Variants in RIF1 observed in about 807,000 individuals in gnomAD.
RIF1 encodes the protein telomere-associated protein RIF1.
Under a neutral mutation model 247.1 loss-of-function variants are expected in RIF1, and 45 were observed. The observed-to-expected ratio is 0.18, with a 90% CI of 0.14 to 0.23. RIF1 has a LOEUF of 0.23. RIF1 is among the 10% of genes least tolerant of loss of function. RIF1 has a pLI of 1.00. For synonymous variants in RIF1, 1,087 were observed against 978.8 expected (o/e 1.11, Z -2.06); for missense variants, 2,967 against 2,862.5 (o/e 1.04, Z -0.83).
At position 151,463,332 on chromosome 2, in the gene RIF1, C is replaced by G. The variant is rs376788226; in HGVS notation, c.3812C>G (p.Thr1271Ser). Reference protein sequence around the residue: ...FLPKAKQREGTFSKSDSEKIV... With the variant: ...FLPKAKQREGSFSKSDSEKIV... Reference sequence around the variant, plus strand: ...CCAAAAGCAAAGCAAAGAGAAGGGACTTTTTCAAAATCTGATTCTGAAAAA... The same window carrying G: ...CCAAAAGCAAAGCAAAGAGAAGGGAGTTTTTCAAAATCTGATTCTGAAAAA... Residue 1271 changes from threonine (T) to serine (S), a missense_variant, in exon 30 of 36, where the codon ACT (threonine) becomes AGT (serine). Thr to Ser is a moderately conservative substitution (Grantham distance 58, BLOSUM62 1). Transcript: ENST00000444746. 13 of 1,613,576 alleles carry G rather than the reference C, an allele frequency of 8.1e-6. No homozygotes were observed. The highest frequency in any genetic ancestry group is 2.2e-5 in the East Asian group (1 of 44,876).
At chr2:151,438,390 A>C (rs532096631) in intron 13 of RIF1, among the ~76,000 whole-genome samples, 2 of 152,260 alleles carry the variant, frequency 1.3e-5, no homozygotes, top group East Asian at 3.9e-4. Flanking sequence ...ATGTGGGAAG[A>C]CTGCTTGAGC....
chr2:151,429,733 A>G (rs1005649285), intron 9 of RIF1, among the ~76,000 whole-genome samples: 2 of 152,320 alleles, frequency 1.3e-5, no homozygotes, highest in African/African-American at 2.4e-5. Context: ...TAATATTGAT[A>G]TATGGAAGTC....
At position 151,435,571 on chromosome 2, in the gene RIF1, G is replaced by C; in HGVS notation, c.1186G>C (p.Val396Leu). 6.4e-7 allele frequency: 1 copy of C among 1,552,992 alleles called. No homozygotes were observed. The highest frequency in any genetic ancestry group is 8.9e-7 in the Non-Finnish European group (1 of 1,124,738). ...TCCAGGTTTAAATCCTATGACTCCT[G>C]TACACAAAGGTAAGAGGTAGATATT... ...TSPGLNPMTP[V>L]HKGASSPYGA... The change falls in exon 11 of 36, where the codon GTA becomes CTA. Residue 396 changes from valine to leucine, a missense_variant. Around this residue, in one of 7 missense-constraint regions of RIF1, gnomAD observed 369 missense variants for 322.0 expected, o/e 1.15. Coordinates refer to ENST00000444746, the MANE Select transcript of RIF1 (RefSeq NM_018151.5).
intron 17 of RIF1, 23 bp downstream of exon 17, chr2:151,443,352 A>T: frequency 6.7e-7 from 1 of 1,493,124 alleles, no homozygotes; most frequent in Non-Finnish European, 9.3e-7. Flanking sequence ...TTTAACTTGA[A>T]ACTTTGTCTT....
chr2:151,509,596 A>C (rs1309899254), downstream of RIF1, among the ~76,000 whole-genome samples: 4 of 151,904 alleles, frequency 2.6e-5, no homozygotes, highest in African/African-American at 9.7e-5. Context: ...ATGCAGATGA[A>C]CTGGGGAGGA....
chr2:151,506,197 C>G (rs1233779539), intron 12 of RIF1: 3 of 1,613,662 alleles, frequency 1.9e-6, no homozygotes, highest in Non-Finnish European at 2.5e-6. Context: ...TTGTTTCACT[C>G]TCATCATCTC....
At chr2:151,420,008 A>G (rs1369391595) in intron 6 of RIF1, among the ~76,000 whole-genome samples, 182 bp from the exon 7 acceptor site, 1 of 152,202 alleles carries the variant, frequency 6.6e-6, no homozygotes, top group East Asian at 1.9e-4. Context: ...AAAAAAATTT[A>G]CAAAAGCAAT....
chr2:151,512,351 A>G (rs185277887), downstream of RIF1, among the ~76,000 whole-genome samples: 350 of 149,284 alleles, frequency 2.3e-3, 9 homozygotes, highest in East Asian at 0.047. Flanking sequence ...TTTTTTTTTA[A>G]GAGTCTCACC....
chr2:151,510,375 G>A (rs375168249), downstream of RIF1, among the ~76,000 whole-genome samples: 16 of 152,338 alleles, frequency 1.1e-4, no homozygotes, highest in East Asian at 1.2e-3. Flanking sequence ...TTACATCCCA[G>A]CCTTTGTACA....
downstream of RIF1, among the ~76,000 whole-genome samples, chr2:151,484,027 A>G (rs1013433445): frequency 2.0e-5 from 3 of 152,244 alleles, no homozygotes; most frequent in African/African-American, 7.2e-5. Flanking sequence ...ATGTATGTAA[A>G]TATGTTATAC....
chr2:151,464,553 A>G lies in RIF1; in HGVS notation c.5033A>G (p.Asn1678Ser), dbSNP rs374121051. 2.5e-6 allele frequency: 4 copies of G among 1,612,326 alleles called. No individual in the cohort carries two copies. The highest frequency in any genetic ancestry group is 1.3e-5 in the African/African-American group (1 of 74,934). The change falls in exon 30 of 36, where the codon AAT becomes AGT. Residue 1678 changes from asparagine (N) to serine (S), a missense_variant. By Grantham distance (46) the Asn-to-Ser change is conservative (BLOSUM62 1). Coordinates refer to ENST00000444746, the MANE Select transcript of RIF1 (RefSeq NM_018151.5). Reference protein sequence around the residue: ...PVPESNLRTRNAIKRLHKRDS... With the variant: ...PVPESNLRTRSAIKRLHKRDS... ...CCAGAATCAAATCTAAGGACTAGAA[A>G]TGCCATTAAGAGATTACATAAGCGA...
At chr2:151,431,910 G>A (rs1690223118) in intron 9 of RIF1, among the ~76,000 whole-genome samples, 1 of 152,232 alleles carries the variant, frequency 6.6e-6, no homozygotes, top group South Asian at 2.1e-4. Context: ...ACTGTTAATT[G>A]AAATAGCTAA....
chr2:151,497,799 C>T (rs775873186), intron 10 of RIF1: 1 of 1,539,472 alleles, frequency 6.5e-7, no homozygotes, highest in Non-Finnish European at 8.7e-7. Flanking sequence ...GAGGAAAAAA[C>T]ACAGTCATCC....
intron 14 of RIF1, among the ~76,000 whole-genome samples, chr2:151,439,531 G>A (rs1413060416): frequency 6.6e-6 from 1 of 151,838 alleles, no homozygotes; most frequent in East Asian, 1.9e-4. Context: ...AGACATGGTG[G>A]TGCATGCCTG....
In RIF1 at chr2:151,453,397, C is replaced by T. The variant is rs188682569; in HGVS notation, c.2345-1498C>T. 4.1e-3 allele frequency among the ~76,000 whole-genome samples: 624 copies of T among 151,970 alleles called. 2 individuals carry two copies. The highest frequency in any genetic ancestry group is 8.3e-3 in the South Asian group (40 of 4,812). ...TGCTAGACCAGCCTGGCCAACAGGG[C>T]TACAACCTGTCTCTACTAAAAATAC... On this transcript the variant is annotated intron_variant, in intron 21 of 35. Transcript: ENST00000444746.
At position 151,469,868 on chromosome 2, in the gene RIF1, A is replaced by G; in HGVS notation, c.7095+4A>G. On this transcript the variant is annotated splice_donor_region_variant and intron_variant, in intron 34 of 35. Coordinates refer to ENST00000444746, the MANE Select transcript of RIF1 (RefSeq NM_018151.5). ...CAGAATATATCATGAGCAGCAGGTA[A>G]AAACTTAGATATTAGCTATGATGTA... 1.9e-6 allele frequency: 3 copies of G among 1,590,842 alleles called. No individual in the cohort carries two copies. Among genetic ancestry groups the G allele is most frequent in the Non-Finnish European group, 2.6e-6 (3 of 1,169,968 alleles).
At chr2:151,441,054 A>G (rs1335332639) in intron 15 of RIF1, among the ~76,000 whole-genome samples, 1 of 152,104 alleles carries the variant, frequency 6.6e-6, no homozygotes, top group Non-Finnish European at 1.5e-5. Context: ...TGGGAGGGCA[A>G]GGTGGGCAAA....
At chr2:151,413,081 T>C (rs902167934) in intron 3 of RIF1, among the ~76,000 whole-genome samples, 1 of 152,020 alleles carries the variant, frequency 6.6e-6, no homozygotes, top group Non-Finnish European at 1.5e-5. Context: ...GTTTTGCTCT[T>C]GTTGCCCAGG....
chr2:151,460,459 A>T (rs1021663397), intron 26 of RIF1, among the ~76,000 whole-genome samples: 5 of 152,146 alleles, frequency 3.3e-5, no homozygotes, highest in African/African-American at 1.2e-4. Context: ...TTTGTTTAGG[A>T]TTATTGTTAT....
Sources: gnomAD v4.1 joint callset for allele counts (sites outside exome capture counted in the v4.1 genomes callset) on GRCh38, gnomAD v4.1.1 for gene constraint, gnomAD v4.1.1 regional missense constraint, MANE v1.5 for transcripts, NCBI Gene and HGNC (gene_info 2026-07-23, HGNC 2026-07-21) for gene names.